Variants in PTPRG observed in about 807,000 individuals in gnomAD.
The protein encoded by PTPRG is protein tyrosine phosphatase receptor type G.
Under a neutral mutation model 165.3 loss-of-function variants are expected in PTPRG, and 102 were observed. The ratio of observed to expected loss-of-function variants is 0.62; its 90% confidence interval spans 0.53 to 0.73. PTPRG has a LOEUF of 0.73. Among genes scored for constraint, PTPRG ranks in the 30% least tolerant of loss-of-function variants. The probability of loss-of-function intolerance (pLI) is 0.00; values close to 1 mark genes in which losing one functional copy is unlikely to be tolerated. For synonymous variants in PTPRG, 675 were observed against 669.5 expected, an observed-to-expected ratio of 1.01 and a Z score of -0.13; for missense variants, 1,866 against 1,861.4, an observed-to-expected ratio of 1.00 and a Z score of -0.05.
chr3:62,083,191 G>A (rs1199107495), intron 5 of PTPRG, among the ~76,000 whole-genome samples: 1 of 151,732 alleles, frequency 6.6e-6, no homozygotes, highest in East Asian at 1.9e-4. Flanking sequence ...TTGAATGCCT[G>A]TGAAAATATA....
chr3:61,725,838 G>A (rs963159809), intron 1 of PTPRG, among the ~76,000 whole-genome samples: 5 of 151,692 alleles, frequency 3.3e-5, no homozygotes, highest in Non-Finnish European at 2.9e-5. Context: ...GTTTGGTAAT[G>A]TCTTATCATC....
Position 62,270,943 on chromosome 3 carries a change from T to A in PTPRG, c.3010-440T>A, listed in dbSNP as rs143614547. On this transcript the variant is annotated intron_variant, in intron 20 of 29. Coordinates refer to ENST00000474889, the MANE Select transcript of PTPRG (RefSeq NM_002841.4). ...TCTTCCCATCACTTCCTGGATAGTT[T>A]ACAGCAGCAACAAGCACTCTGGCTC... Among the ~76,000 whole-genome samples the A allele has an allele frequency of 5.1e-3, 773 of 152,270 alleles. 5 individuals carry two copies. The highest frequency in any genetic ancestry group is 0.027 in the Middle Eastern group (8 of 294).
chr3:61,609,522 C>G lies in PTPRG; in HGVS notation c.85+47150C>G, dbSNP rs1008393976. On this transcript the variant is annotated intron_variant, in intron 1 of 29. Coordinates refer to ENST00000474889, the MANE Select transcript of PTPRG (RefSeq NM_002841.4). ...TGGTTCACCAACAACTACAAGCACT[C>G]TACATCTCTTATCATTCCAGATGTT... 6.6e-5 allele frequency among the ~76,000 whole-genome samples: 10 copies of G among 152,294 alleles called. No homozygotes were observed. The East Asian group carries it at 1.9e-3, about 29-fold the overall frequency.
chr3:61,761,258 A>G (rs541000951), intron 2 of PTPRG, among the ~76,000 whole-genome samples: 6 of 152,118 alleles, frequency 3.9e-5, no homozygotes, highest in African/African-American at 1.4e-4. Context: ...CCTCTCCAGT[A>G]TCTGTTGTTT....
chr3:61,919,214 C>T (rs2039018039), intron 2 of PTPRG, among the ~76,000 whole-genome samples: 1 of 152,158 alleles, frequency 6.6e-6, no homozygotes, highest in Non-Finnish European at 1.5e-5. Context: ...CAGATACCGG[C>T]TCATCTCCTG....
intron 4 of PTPRG, among the ~76,000 whole-genome samples, chr3:62,025,949 G>A (rs965992563): frequency 4.6e-5 from 7 of 152,140 alleles, no homozygotes; most frequent in African/African-American, 1.7e-4. Context: ...AAGGTTAATG[G>A]AAATTGCAAT....
At chr3:62,054,145 T>G (rs1397158748) in intron 4 of PTPRG, among the ~76,000 whole-genome samples, 1 of 152,188 alleles carries the variant, frequency 6.6e-6, no homozygotes, top group African/African-American at 2.4e-5. Context: ...CAACAATGAT[T>G]GCTGCTGCTA....
chr3:61,751,136 G>A (rs933539543), intron 2 of PTPRG: 3 of 152,252 alleles, frequency 2.0e-5, no homozygotes, highest in African/African-American at 7.2e-5. Context: ...GTTGGCTCAT[G>A]CTGACGTGGT....
rs73087816 is a variant in PTPRG, at chr3:62,252,767, G to C, written c.2468-2357G>C. 1.2e-3 allele frequency among the ~76,000 whole-genome samples: 184 copies of C among 152,272 alleles called. No individual in the cohort carries two copies. Among genetic ancestry groups the C allele is most frequent in the Non-Finnish European group, 2.1e-3 (144 of 68,014 alleles). On this transcript the variant is annotated intron_variant, in intron 15 of 29. Transcript: ENST00000474889. This position sits in a 1 kb window ranked among gnomAD's most constrained non-coding sequence, Gnocchi z 4.6. ...CTCAGTATAAAGAAAAGAGATTTAT[G>C]ACTCCTCAGCTATTTATCTTGATTG...
At chr3:61,752,924 C>G (rs1404839884) in intron 2 of PTPRG, among the ~76,000 whole-genome samples, 1 of 151,930 alleles carries the variant, frequency 6.6e-6, no homozygotes, top group Non-Finnish European at 1.5e-5. Flanking sequence ...TTTATTTCCA[C>G]TTCACTGCAT....
At chr3:62,108,128 G>C (rs1349424619) in intron 5 of PTPRG, among the ~76,000 whole-genome samples, 1 of 151,764 alleles carries the variant, frequency 6.6e-6, no homozygotes, top group Non-Finnish European at 1.5e-5. Context: ...CACGTGCCCT[G>C]GTGGTTTGCT....
chr3:61,797,538 T>C (rs776419684), intron 2 of PTPRG, among the ~76,000 whole-genome samples: 1 of 152,124 alleles, frequency 6.6e-6, no homozygotes, highest in Non-Finnish European at 1.5e-5. Context: ...CTGGGTTCTT[T>C]CAGGTTTGGT....
At chr3:62,182,062 A>G (rs1705673383) in intron 8 of PTPRG, among the ~76,000 whole-genome samples, 1 of 152,218 alleles carries the variant, frequency 6.6e-6, no homozygotes, top group South Asian at 2.1e-4. Context: ...AGGAAAGAAA[A>G]TGTTATTTTG....
intron 2 of PTPRG, among the ~76,000 whole-genome samples, chr3:61,947,999 A>G (rs920227715): frequency 6.6e-6 from 1 of 152,148 alleles, no homozygotes; most frequent in African/African-American, 2.4e-5. Context: ...CTGGCCAGGC[A>G]CGGAAAACAC....
chr3:61,776,256 G>A (rs2034378753), intron 2 of PTPRG, among the ~76,000 whole-genome samples: 1 of 152,088 alleles, frequency 6.6e-6, no homozygotes, highest in African/African-American at 2.4e-5. Flanking sequence ...CAATCCAGAA[G>A]TCTTTGGTCA....
At chr3:61,765,010 A>G (rs752967481) in intron 2 of PTPRG, among the ~76,000 whole-genome samples, 5 of 152,220 alleles carry the variant, frequency 3.3e-5, no homozygotes, top group Non-Finnish European at 7.3e-5. Flanking sequence ...TAGTGCCAAG[A>G]TTGACGAACC....
intron 2 of PTPRG, among the ~76,000 whole-genome samples, chr3:61,806,650 G>A (rs1348615337): frequency 1.3e-5 from 2 of 152,046 alleles, no homozygotes; most frequent in East Asian, 1.9e-4. Flanking sequence ...ACCTGTGTTG[G>A]TTATACCTAT....
intron 1 of PTPRG, among the ~76,000 whole-genome samples, chr3:61,684,422 G>T (rs949864404): frequency 6.6e-6 from 1 of 152,168 alleles, no homozygotes; most frequent in Non-Finnish European, 1.5e-5. Context: ...AACATTTACA[G>T]CCCTTTTTAA....
intron 2 of PTPRG, among the ~76,000 whole-genome samples, chr3:61,957,254 C>T (rs528756434): frequency 4.8e-4 from 73 of 152,206 alleles, no homozygotes; most frequent in Non-Finnish European, 8.8e-4. Flanking sequence ...AATTATTTGA[C>T]GAAGGTAGTG....
Sources: allele counts gnomAD v4.1 joint callset (sites outside exome capture counted in the v4.1 genomes callset), GRCh38; gene constraint gnomAD v4.1.1; non-coding constraint Gnocchi (gnomAD v3.1); transcripts MANE v1.5; gene names NCBI Gene and HGNC (gene_info 2026-07-23, HGNC 2026-07-21).